The following MAPKBP1 variants were observed in gnomAD, a reference collection of about 807,000 sequenced individuals.
MAPKBP1 encodes mitogen-activated protein kinase-binding protein 1.
A neutral mutation model predicts 170.5 loss-of-function variants in MAPKBP1; 71 were observed. The observed-to-expected ratio is 0.42, with a 90% CI of 0.34 to 0.51. The LOEUF (loss-of-function observed/expected upper bound fraction) is 0.51, where lower values mean the gene tolerates loss of function less well. Among genes scored for constraint, MAPKBP1 ranks in the 20% least tolerant of loss-of-function variants. MAPKBP1 has a pLI of 0.06. For missense variants in MAPKBP1, 1,598 were observed against 1,933.0 expected (o/e 0.83, Z 3.25); for synonymous variants, 719 against 757.9 (o/e 0.95, Z 0.84).
chr15:41,786,172 A>G lies in MAPKBP1; in HGVS notation c.114+10783A>G, dbSNP rs372524426. On this transcript the variant is annotated intron_variant, in intron 2 of 30. Coordinates refer to ENST00000457542, the MANE Select transcript of MAPKBP1 (RefSeq NM_014994.3). Reference sequence around the variant, plus strand: ...TATTTATATTTTTGTTAAAACATATATATATGTTAGTATATGCATACTAAA... The same window carrying G: ...TATTTATATTTTTGTTAAAACATATGTATATGTTAGTATATGCATACTAAA... Among the ~76,000 whole-genome samples the G allele has an allele frequency of 4.6e-5, 7 of 152,222 alleles. No individual in the cohort carries two copies. The East Asian group carries it at 7.7e-4, about 17-fold the overall frequency.
intron 30 of MAPKBP1, chr15:41,824,961 A>G (rs750641101): frequency 2.0e-6 from 1 of 490,120 alleles, no homozygotes; most frequent in Non-Finnish European, 3.6e-6. Flanking sequence ...GAGAAAGCAG[A>G]TTCTGCCGGA....
chr15:41,793,846 G>C (rs560655013), intron 2 of MAPKBP1, among the ~76,000 whole-genome samples: 1 of 152,346 alleles, frequency 6.6e-6, no homozygotes, highest in African/African-American at 2.4e-5. Context: ...CAGTCAGAAA[G>C]AGGGGTACTC....
intron 10 of MAPKBP1, 58 bp downstream of exon 10, chr15:41,814,797 A>G (rs1384296686): frequency 1.4e-5 from 22 of 1,583,320 alleles, no homozygotes; most frequent in Non-Finnish European, 1.8e-5. Flanking sequence ...TACCATTTTG[A>G]GGACAGAAAA....
intron 2 of MAPKBP1, among the ~76,000 whole-genome samples, chr15:41,786,805 G>T (rs1349166954): frequency 6.4e-4 from 47 of 73,712 alleles, no homozygotes; most frequent in African/African-American, 6.8e-4. Context: ...TATATATATA[G>T]GTATAATAAG....
At position 41,820,864 on chromosome 15, in the gene MAPKBP1, T is replaced by A. The variant is rs2064983461; in HGVS notation, c.2514T>A (p.Ala838=). Residue 838 remains alanine (A), a synonymous_variant, in exon 23 of 31, where the codon GCT becomes GCA. Coordinates refer to ENST00000457542, the MANE Select transcript of MAPKBP1 (RefSeq NM_014994.3). ...AGTCCGTGGGGTTCCTGGACCCAGC[T>A]CCTGCAGCCAACCCAGGACCCAGAA... The part of the protein sequence containing the change: ...AQESVGFLDP[A]PAANPGPRRR... The A allele has an allele frequency of 6.2e-7, 1 of 1,613,960 alleles. No individual in the cohort carries two copies. The highest frequency in any genetic ancestry group is 8.5e-7 in the Non-Finnish European group (1 of 1,179,948).
intron 25 of MAPKBP1, 51 bp from the exon 26 acceptor site, chr15:41,822,174 C>T: frequency 6.2e-7 from 1 of 1,601,664 alleles, no homozygotes; most frequent in Non-Finnish European, 8.5e-7. Flanking sequence ...TGGGGAGGCT[C>T]TGGCAACAGA....
chr15:41,808,527 C>G (rs28671571), intron 3 of MAPKBP1, among the ~76,000 whole-genome samples: 73,899 of 150,308 alleles, frequency 0.49, 18,474 homozygotes, highest in Admixed American at 0.53. Context: ...CCAGGCTGGA[C>G]TGCAATGGCA....
At chr15:41,821,187 GTAAC>G in intron 23 of MAPKBP1, 119 bp downstream of exon 23, 1 of 966,188 alleles carries the variant, frequency 1.0e-6, no homozygotes, top group Non-Finnish European at 1.6e-6. Flanking sequence ...TGGCACATGG[GTAAC>G]CTGAACTGCA....
rs56132998 is a variant in MAPKBP1 at position 41,815,923 on chromosome 15, T to C, written c.1493+124T>C. The C allele has an allele frequency of 6.1e-3, 5,944 of 971,474 alleles. 26 individuals carry two copies. The highest frequency in any genetic ancestry group is 7.2e-3 in the Non-Finnish European group (4,783 of 662,948). The allele number at this position is 971,474 out of a possible 1,614,324, so 60.2% of individuals were successfully genotyped here. On this transcript the variant is annotated intron_variant, in intron 12 of 30. Coordinates refer to ENST00000457542, the MANE Select transcript of MAPKBP1 (RefSeq NM_014994.3). ...AAGATACTTATTTACAAGGCAAAGATAATAACTTCACAATGAGTAAACCTA... is the reference window on the plus strand; with the variant it reads ...AAGATACTTATTTACAAGGCAAAGACAATAACTTCACAATGAGTAAACCTA...
intron 8 of MAPKBP1, 149 bp downstream of exon 8, chr15:41,813,250 T>C: frequency 6.6e-7 from 1 of 1,504,790 alleles, no homozygotes; most frequent in Non-Finnish European, 9.2e-7. Context: ...GCTTGGCCCA[T>C]TTCCAGCCCT....
rs1353378287 is a variant in MAPKBP1 at position 41,818,410 on chromosome 15, A to G, written c.2092+105A>G. On this transcript the variant is annotated intron_variant, in intron 18 of 30. Transcript: ENST00000457542. This position sits in a 1 kb window ranked among gnomAD's most constrained non-coding sequence, Gnocchi z 5.2. ...TCTATTAGTTTCTTGGGACCCGCAG[A>G]GCTACCTATCCCTACCCTGCAGCCA... 13 of 1,399,110 alleles carry G rather than the reference A, an allele frequency of 9.3e-6. No homozygotes were observed. In the Middle Eastern group the frequency reaches 1.6e-3, roughly 172 times the overall value. 86.7% of individuals were successfully genotyped at this position (1,399,110 alleles called of 1,614,324 possible).
At chr15:41,812,820 A>G in intron 7 of MAPKBP1, 99 bp from the exon 8 acceptor site, 1 of 1,468,018 alleles carries the variant, frequency 6.8e-7, no homozygotes, top group Non-Finnish European at 9.1e-7. Flanking sequence ...CCCAAAGAGC[A>G]AGGAGGTGCT....
At chr15:41,796,643 G>A (rs978010433) in intron 2 of MAPKBP1, among the ~76,000 whole-genome samples, 1 of 152,060 alleles carries the variant, frequency 6.6e-6, no homozygotes. Context: ...GCCAGAAAAA[G>A]CCAAAAACAT....
rs1596104896 is a variant in MAPKBP1 at position 41,826,265 on chromosome 15, A to G, written c.*829A>G. On this transcript the variant is annotated 3_prime_UTR_variant, in exon 31 of 31. Transcript: ENST00000457542. ...AGCCGGCTGCTGGAGCCCAGAGGCC[A>G]CCTTCTCCCTGCATCCTGAATGATG... The G allele has an allele frequency of 6.5e-6, 1 of 152,678 alleles. No homozygotes were observed. Among genetic ancestry groups the G allele is most frequent in the South Asian group, 2.1e-4 (1 of 4,822 alleles). 9.5% of individuals were successfully genotyped at this position (152,678 alleles called of 1,614,324 possible).
intron 2 of MAPKBP1, among the ~76,000 whole-genome samples, chr15:41,795,425 A>AGG (rs1244881497): frequency 1.3e-5 from 2 of 151,818 alleles, no homozygotes; most frequent in African/African-American, 4.8e-5. Context: ...GAGTGAGTGA[A>AGG]GGGGAGGGTG....
At chr15:41,795,593 AT>A (rs1159233439) in intron 2 of MAPKBP1, among the ~76,000 whole-genome samples, 1 of 151,866 alleles carries the variant, frequency 6.6e-6, no homozygotes, top group Non-Finnish European at 1.5e-5. Context: ...ATTATATTTT[AT>A]TTTTATTTAT....
intron 12 of MAPKBP1, 81 bp downstream of exon 12, chr15:41,815,880 T>C: frequency 7.0e-7 from 1 of 1,427,326 alleles, no homozygotes; most frequent in Non-Finnish European, 9.5e-7. Context: ...AGGGTTTGGC[T>C]CAAAAAGATT....
At position 41,823,281 on chromosome 15, in the gene MAPKBP1, C is replaced by A. The variant is rs142406250; in HGVS notation, c.3598+59C>A. On this transcript the variant is annotated intron_variant, in intron 28 of 30. Transcript: ENST00000457542. Reference sequence around the variant, plus strand: ...AGGGTGTATGGAACACATGTACATGCTGGAGGAGGGAGGGCCTGGTGTGGC... The same window carrying A: ...AGGGTGTATGGAACACATGTACATGATGGAGGAGGGAGGGCCTGGTGTGGC... 7.8e-3 allele frequency: 12,319 copies of A among 1,574,922 alleles called. 88 individuals are homozygous for A. The highest frequency in any genetic ancestry group is 9.8e-3 in the Non-Finnish European group (11,340 of 1,158,910).
chr15:41,793,380 G>A (rs1017579633), intron 2 of MAPKBP1, among the ~76,000 whole-genome samples: 6 of 152,112 alleles, frequency 3.9e-5, no homozygotes, highest in African/African-American at 1.4e-4. Context: ...CCAGCTACTC[G>A]GGAGGCTGAG....
Sources: gnomAD v4.1 joint callset for allele counts (sites outside exome capture counted in the v4.1 genomes callset) on GRCh38, gnomAD v4.1.1 for gene constraint, Gnocchi (gnomAD v3.1) non-coding constraint, MANE v1.5 for transcripts, NCBI Gene and HGNC (gene_info 2026-07-23, HGNC 2026-07-21) for gene names.